Variants in CSMD1 observed in about 807,000 individuals in gnomAD.
The protein encoded by CSMD1 is CUB and Sushi multiple domains 1.
CSMD1 carries 213 observed loss-of-function variants against 417.5 expected under a neutral mutation model. The ratio of observed to expected loss-of-function variants is 0.51; its 90% CI spans 0.46 to 0.57. CSMD1 has a LOEUF of 0.57. CSMD1 is among the 20% of genes least tolerant of loss of function. The pLI is 0.00. For missense variants in CSMD1, 6,923 were observed against 4,529.7 expected (o/e 1.53, Z -15.17); for synonymous variants, 2,862 against 1,736.8 (o/e 1.65, Z -16.11).
intron 7 of CSMD1, among the ~76,000 whole-genome samples, chr8:3,682,362 G>A (rs76415617): frequency 1.3e-4 from 20 of 151,864 alleles, no homozygotes; most frequent in East Asian, 7.7e-4. Flanking sequence ...ACAAGCAACC[G>A]CATCAACAAG....
chr8:3,785,237 G>A (rs1200068178), intron 5 of CSMD1, among the ~76,000 whole-genome samples: 1 of 152,234 alleles, frequency 6.6e-6, no homozygotes, highest in Non-Finnish European at 1.5e-5. Flanking sequence ...CACAGTTTGT[G>A]AAATGCTCAG....
chr8:4,001,102 A>G (rs964961508), intron 4 of CSMD1, among the ~76,000 whole-genome samples: 14 of 152,152 alleles, frequency 9.2e-5, no homozygotes, highest in Admixed American at 2.0e-4. Context: ...TTGTCATGGC[A>G]GTCGATGAGC....
chr8:3,357,615 T>C (rs1291415145), intron 21 of CSMD1, among the ~76,000 whole-genome samples: 1 of 152,218 alleles, frequency 6.6e-6, no homozygotes, highest in Non-Finnish European at 1.5e-5. Context: ...GTCTTAATCA[T>C]TATAATCAGT....
At chr8:4,228,966 C>A (rs1801536886) in intron 3 of CSMD1, among the ~76,000 whole-genome samples, 1 of 152,090 alleles carries the variant, frequency 6.6e-6, no homozygotes, top group African/African-American at 2.4e-5. Flanking sequence ...TGAGCCAAGC[C>A]AGGACCCCTG....
chr8:4,070,746 T>C (rs1452148328), intron 3 of CSMD1, among the ~76,000 whole-genome samples: 2 of 152,114 alleles, frequency 1.3e-5, no homozygotes, highest in Non-Finnish European at 2.9e-5. Flanking sequence ...TCTCAGCATT[T>C]CCTCCACCAC....
chr8:4,135,150 G>A (rs1171260188), intron 3 of CSMD1, among the ~76,000 whole-genome samples: 2 of 152,056 alleles, frequency 1.3e-5, no homozygotes, highest in Admixed American at 6.6e-5. Context: ...TCATATTCTG[G>A]TACAATCACT....
At chr8:3,416,907 T>A (rs1813190773) in intron 12 of CSMD1, among the ~76,000 whole-genome samples, 1 of 152,248 alleles carries the variant, frequency 6.6e-6, no homozygotes, top group East Asian at 1.9e-4. Context: ...AACCGCTCAA[T>A]GAATAAAACT....
chr8:3,965,832 C>A (rs915674141), intron 5 of CSMD1, among the ~76,000 whole-genome samples: 1 of 151,932 alleles, frequency 6.6e-6, no homozygotes, highest in Non-Finnish European at 1.5e-5. Context: ...TTGGCCAGGC[C>A]GGTCTTGAAC....
At chr8:3,664,701 C>A (rs1054614900) in intron 7 of CSMD1, among the ~76,000 whole-genome samples, 3 of 152,186 alleles carry the variant, frequency 2.0e-5, no homozygotes, top group African/African-American at 4.8e-5. Context: ...GCTGGCCCAT[C>A]ATCTTATCGG....
intron 3 of CSMD1, among the ~76,000 whole-genome samples, chr8:4,111,931 A>T (rs547907931): frequency 3.9e-5 from 6 of 152,082 alleles, no homozygotes; most frequent in East Asian, 1.9e-4. Context: ...TAAAATAAAT[A>T]AAGTATGGCA....
At chr8:3,859,418 G>A (rs1804535729) in intron 5 of CSMD1, among the ~76,000 whole-genome samples, 1 of 152,134 alleles carries the variant, frequency 6.6e-6, no homozygotes. Flanking sequence ...CAGATGTGTA[G>A]TAAAGAATTT....
At chr8:4,442,946 T>C (rs942254385) in intron 2 of CSMD1, among the ~76,000 whole-genome samples, 8 of 152,202 alleles carry the variant, frequency 5.3e-5, no homozygotes, top group African/African-American at 1.9e-4. Context: ...CAACGTAATG[T>C]ATCTACAGCA....
chr8:4,371,537 G>A (rs879672003), intron 3 of CSMD1, among the ~76,000 whole-genome samples: 11 of 152,046 alleles, frequency 7.2e-5, no homozygotes, highest in South Asian at 4.2e-4. Context: ...AGACAATATC[G>A]TTATAAATTT....
intron 1 of CSMD1, among the ~76,000 whole-genome samples, chr8:4,820,916 G>A (rs1023737729): frequency 3.3e-5 from 5 of 152,158 alleles, no homozygotes. Context: ...TTGCAGATGT[G>A]TATATCTTCA....
chr8:4,085,456 G>C (rs981554568), intron 3 of CSMD1, among the ~76,000 whole-genome samples: 3 of 152,154 alleles, frequency 2.0e-5, no homozygotes, highest in Admixed American at 6.5e-5. Flanking sequence ...TAATTGCTCA[G>C]ATCATGTTTG....
chr8:3,748,871 T>C (rs1471912397), intron 6 of CSMD1, among the ~76,000 whole-genome samples: 5 of 152,228 alleles, frequency 3.3e-5, no homozygotes, highest in African/African-American at 1.2e-4. Flanking sequence ...ACAAGCTTTA[T>C]CGCCACTGTC....
chr8:3,153,854 T>C (rs1434999017), intron 39 of CSMD1, among the ~76,000 whole-genome samples: 1 of 152,204 alleles, frequency 6.6e-6, no homozygotes, highest in East Asian at 1.9e-4. Context: ...ACTTGAGAGC[T>C]TAGTTAAAAC....
intron 3 of CSMD1, among the ~76,000 whole-genome samples, chr8:4,298,701 G>A (rs1040248839): frequency 6.6e-6 from 1 of 151,964 alleles, no homozygotes; most frequent in Non-Finnish European, 1.5e-5. Context: ...AGGCTACTCT[G>A]ATACTAAATC....
At chr8:4,466,148 TGA>T (rs1319419868) in intron 2 of CSMD1, among the ~76,000 whole-genome samples, 11 of 152,142 alleles carry the variant, frequency 7.2e-5, no homozygotes, top group Admixed American at 1.3e-4. Context: ...TGAAATATTG[TGA>T]GAGAGTCTTA....
Sources: allele counts gnomAD v4.1 joint callset (sites outside exome capture counted in the v4.1 genomes callset), GRCh38; gene constraint gnomAD v4.1.1; transcripts MANE v1.5; gene names NCBI Gene and HGNC (gene_info 2026-07-23, HGNC 2026-07-21).